SIM1: variants seen among roughly 807,000 people sequenced by gnomAD.
SIM1 encodes the protein SIM bHLH transcription factor 1, also known as single-minded homolog 1.
A neutral mutation model predicts 78.2 loss-of-function variants in SIM1; 18 were observed. That is an observed-to-expected ratio of 0.23 (90% confidence interval 0.16 to 0.34). The LOEUF is 0.34. SIM1 is among the 10% of genes least tolerant of loss of function. The pLI, the probability that SIM1 is intolerant of heterozygous loss-of-function variation, is 1.00. For synonymous variants in SIM1, 417 were observed against 385.2 expected, an observed-to-expected ratio of 1.08 and a Z score of -0.97; for missense variants, 939 against 975.1, an observed-to-expected ratio of 0.96 and a Z score of 0.49.
At chr6:100,396,911 T>C (rs1399260608) in intron 10 of SIM1, among the ~76,000 whole-genome samples, 11 of 152,214 alleles carry the variant, frequency 7.2e-5, no homozygotes, top group Admixed American at 5.9e-4. Flanking sequence ...AATGCAGTAG[T>C]GGGTTAGATT....
intron 10 of SIM1, among the ~76,000 whole-genome samples, chr6:100,397,531 G>T (rs987829315): frequency 6.6e-6 from 1 of 151,778 alleles, no homozygotes; most frequent in African/African-American, 2.4e-5. Flanking sequence ...AACTCAAAAG[G>T]TTCACAGACT....
At chr6:100,401,962 G>A (rs57441573) in intron 10 of SIM1, among the ~76,000 whole-genome samples, 4,747 of 152,184 alleles carry the variant, frequency 0.031, 271 homozygotes, top group African/African-American at 0.11. Flanking sequence ...AGACATGGGC[G>A]TATCCTCATC....
intron 2 of SIM1, among the ~76,000 whole-genome samples, chr6:100,456,050 C>T (rs1417564722): frequency 2.6e-5 from 4 of 151,970 alleles, no homozygotes; most frequent in Non-Finnish European, 5.9e-5. Context: ...TCCTGCCCCA[C>T]CCCCGCCACC....
At chr6:100,400,250 C>A (rs1330101208) in intron 10 of SIM1, among the ~76,000 whole-genome samples, 1 of 151,042 alleles carries the variant, frequency 6.6e-6, no homozygotes, top group Non-Finnish European at 1.5e-5. Flanking sequence ...AAAAAGAAAA[C>A]CAATCAGTTA....
rs1770602196 is a variant in SIM1 at position 100,390,259 on chromosome 6, A to G, written c.*102T>C. The G allele has an allele frequency of 1.5e-6, 2 of 1,302,668 alleles. No individual in the cohort carries two copies. The highest frequency in any genetic ancestry group is 2.1e-6 in the Non-Finnish European group (2 of 946,748). 80.7% of individuals were successfully genotyped at this position (1,302,668 alleles called of 1,614,324 possible). ...TATCAAATACCCAGTAACTTAAGTTATACTCTCTAACAATCTGTGGCATAG... is the reference window on the plus strand; with the variant it reads ...TATCAAATACCCAGTAACTTAAGTTGTACTCTCTAACAATCTGTGGCATAG... On this transcript the variant is annotated 3_prime_UTR_variant, in exon 12 of 12. Coordinates refer to ENST00000369208, the MANE Select transcript of SIM1 (RefSeq NM_005068.3).
Position 100,390,341 on chromosome 6 carries a change from C to G in SIM1, c.*20G>C, listed in dbSNP as rs1281236756. On this transcript the variant is annotated 3_prime_UTR_variant, in exon 12 of 12. Transcript: ENST00000369208. The stretch of plus-strand genomic sequence containing the variant: ...ATATGTTTCAGAGATCCTTAAAGAA[C>G]AAAATATTTCAGCAAAACATCAGCT... 15 of 1,600,130 alleles carry G rather than the reference C, an allele frequency of 9.4e-6. No homozygotes were observed. The East Asian group carries it at 2.9e-4, about 31-fold the overall frequency.
intron 9 of SIM1, among the ~76,000 whole-genome samples, chr6:100,435,798 T>A (rs78128642): frequency 6.6e-6 from 1 of 152,016 alleles, no homozygotes; most frequent in Non-Finnish European, 1.5e-5. Context: ...AACCCCAAAA[T>A]TTTGAAAAAT....
At chr6:100,459,919 T>G (rs1353811832) in intron 2 of SIM1, among the ~76,000 whole-genome samples, 1 of 152,232 alleles carries the variant, frequency 6.6e-6, no homozygotes, top group Non-Finnish European at 1.5e-5. Flanking sequence ...TGCTATTTTT[T>G]AGATCCTGCC....
intron 9 of SIM1, among the ~76,000 whole-genome samples, chr6:100,428,420 G>A (rs1771792471): frequency 6.6e-6 from 1 of 152,138 alleles, no homozygotes; most frequent in Non-Finnish European, 1.5e-5. Flanking sequence ...ACAAATTGCT[G>A]AGAAACATTT....
Position 100,401,477 on chromosome 6 carries a change from A to G in SIM1, c.1168-7588T>C, listed in dbSNP as rs1770913836. Among the ~76,000 whole-genome samples, 4 of 152,194 alleles carry G rather than the reference A, an allele frequency of 2.6e-5. No individual in the cohort carries two copies. The South Asian group carries it at 8.3e-4, about 32-fold the overall frequency. On this transcript the variant is annotated intron_variant, in intron 10 of 11. Coordinates refer to ENST00000369208, the MANE Select transcript of SIM1 (RefSeq NM_005068.3). ...ATATTGATAATTGTGCTGTGGTTAT[A>G]TAAGAGAATATTCTTGTCCTTAGGA...
Position 100,448,238 on chromosome 6 carries a change from G to A in SIM1, c.758C>T (p.Thr253Met), listed in dbSNP as rs1329558079. The A allele has an allele frequency of 1.2e-6, 2 of 1,612,704 alleles. No individual in the cohort carries two copies. Among genetic ancestry groups the A allele is most frequent in the East Asian group, 4.5e-5 (2 of 44,844 alleles). ...IFLDSRVAEL[T>M]GYEPQDLIEK... is the part of the protein sequence containing the mutation. ...AATCAGGTCCTGAGGTTCGTACCCC[G>A]TCAGCTCCGCCACCCTGAGGAGAGC... Residue 253 changes from threonine (T) to methionine (M), a missense_variant, in exon 8 of 12, where the codon ACG (threonine) becomes ATG (methionine). Thr to Met is a moderately conservative substitution (Grantham distance 81). This residue lies in a region of SIM1 where 187 missense variants were observed against 191.6 expected (regional missense o/e 0.98). Transcript: ENST00000369208.
chr6:100,421,555 G>T (rs1771587783), intron 9 of SIM1, among the ~76,000 whole-genome samples: 1 of 152,064 alleles, frequency 6.6e-6, no homozygotes, highest in South Asian at 2.1e-4. Context: ...CAATACAGGG[G>T]GATGTAAGAA....
In SIM1 at chr6:100,387,700, ATTCTC is replaced by A. The variant is rs1770546758; in HGVS notation, c.*2656_*2660del. The stretch of plus-strand genomic sequence containing the variant: ...CAATATATAATTTAGTTAATTCTGT[ATTCTC>A]TTAAAAATATTGGTCATGTCATTTT... On this transcript the variant is annotated 3_prime_UTR_variant, in exon 12 of 12. Transcript: ENST00000369208. 6.6e-6 allele frequency: 1 copy of A among 152,112 alleles called. No individual in the cohort carries two copies. Among genetic ancestry groups the A allele is most frequent in the African/African-American group, 2.4e-5 (1 of 41,458 alleles). The allele number at this position is 152,112 out of a possible 1,614,324, so 9.4% of individuals were successfully genotyped here. A position where few individuals can be genotyped will look rare whatever the true frequency, so the allele number is the denominator to read the frequency against.
At chr6:100,464,037 G>T (rs1169714153) in intron 1 of SIM1, 102 bp from the exon 2 acceptor site, 3 of 152,190 alleles carry the variant, frequency 2.0e-5, no homozygotes, top group Admixed American at 2.0e-4. Context: ...GCCTCAGTGC[G>T]CCTAGCCAGG....
intron 10 of SIM1, among the ~76,000 whole-genome samples, chr6:100,417,657 T>C (rs937672855): frequency 4.6e-5 from 7 of 152,120 alleles, no homozygotes; most frequent in Non-Finnish European, 7.4e-5. Context: ...CGGTGATGAG[T>C]TTGCCCTGGA....
chr6:100,416,388 T>C (rs557991293), intron 10 of SIM1, among the ~76,000 whole-genome samples: 4 of 152,304 alleles, frequency 2.6e-5, no homozygotes, highest in Admixed American at 1.3e-4. Flanking sequence ...GCCTAATACA[T>C]ATTAGAGCAA....
chr6:100,434,899 G>T (rs944974780), intron 9 of SIM1, among the ~76,000 whole-genome samples: 1 of 152,156 alleles, frequency 6.6e-6, no homozygotes, highest in African/African-American at 2.4e-5. Context: ...GAGCGGGGGT[G>T]GGGGAAGGAT....
chr6:100,393,629 C>T lies in SIM1; in HGVS notation c.1428G>A (p.Arg476=). The T allele has an allele frequency of 1.2e-6, 2 of 1,614,170 alleles. No homozygotes were observed. The highest frequency in any genetic ancestry group is 2.2e-5 in the East Asian group (1 of 44,886). ...ACEGGRCEAG[R]YFLGTPQAGR... The stretch of plus-strand genomic sequence containing the variant: ...CGGCCTGCGGCGTTCCCAGGAAGTA[C>T]CTGCCTGCCTCACATCGGCCTCCTT... The change falls in exon 11 of 12, where the codon AGG becomes AGA. Residue 476 remains arginine (R), a synonymous_variant. Transcript: ENST00000369208.
chr6:100,412,729 AAGAAAGAAAGAAAG>A (rs1158944768), intron 10 of SIM1, among the ~76,000 whole-genome samples: 3 of 141,038 alleles, frequency 2.1e-5, no homozygotes, highest in African/African-American at 8.5e-5. Flanking sequence ...GAAAGAAAGA[AAGAAAGAAAGAAAG>A]AAAGAAAGAA....
Sources: gnomAD v4.1 joint callset for allele counts (sites outside exome capture counted in the v4.1 genomes callset) on GRCh38, gnomAD v4.1.1 for gene constraint, gnomAD v4.1.1 regional missense constraint, MANE v1.5 for transcripts, NCBI Gene and HGNC (gene_info 2026-07-23, HGNC 2026-07-21) for gene names.